Variants in DNAJC6 observed in about 807,000 individuals in gnomAD.
The protein encoded by DNAJC6 is DnaJ heat shock protein family (Hsp40) member C6, also known as auxilin.
In DNAJC6, 34 loss-of-function variants were observed where a neutral mutation model predicts 110.0. The observed-to-expected ratio is 0.31, with a 90% confidence interval of 0.24 to 0.41. DNAJC6 has a LOEUF of 0.41. Among genes scored for constraint, DNAJC6 ranks in the 10% least tolerant of loss-of-function variants. The pLI is 1.00. For synonymous variants in DNAJC6, 406 were observed against 437.2 expected (o/e 0.93, Z 0.89); for missense variants, 1,031 against 1,207.8 (o/e 0.85, Z 2.17).
At chr1:65,333,240 A>G (rs966834885) in intron 1 of DNAJC6, among the ~76,000 whole-genome samples, 2 of 152,212 alleles carry the variant, frequency 1.3e-5, no homozygotes, top group African/African-American at 4.8e-5. Flanking sequence ...ATCTGGGCTC[A>G]GCAGAGATCT....
intron 1 of DNAJC6, among the ~76,000 whole-genome samples, chr1:65,303,679 C>T (rs1388247962): frequency 6.6e-6 from 1 of 152,106 alleles, no homozygotes; most frequent in African/African-American, 2.4e-5. Flanking sequence ...TTGCCTCAGC[C>T]TCCTGAGTAG....
At chr1:65,404,616 G>GGTAA (rs2101633041) in intron 15 of DNAJC6, among the ~76,000 whole-genome samples, 1 of 152,318 alleles carries the variant, frequency 6.6e-6, no homozygotes, top group South Asian at 2.1e-4. Flanking sequence ...TCAGATTGAT[G>GGTAA]GTAAGTCCAG....
intron 1 of DNAJC6, among the ~76,000 whole-genome samples, chr1:65,343,005 C>G (rs1645403767): frequency 6.6e-6 from 1 of 152,166 alleles, no homozygotes. Flanking sequence ...CCCAGTGATT[C>G]TAAATTTCTT....
chr1:65,405,331 T>C (rs905840858), intron 15 of DNAJC6, among the ~76,000 whole-genome samples: 3 of 152,234 alleles, frequency 2.0e-5, no homozygotes, highest in Non-Finnish European at 2.9e-5. Flanking sequence ...TTTCAAAACA[T>C]CTTTATTTAC....
At chr1:65,338,333 T>C (rs1645357574) in intron 1 of DNAJC6, among the ~76,000 whole-genome samples, 2 of 151,988 alleles carry the variant, frequency 1.3e-5, no homozygotes, top group Admixed American at 6.6e-5. Context: ...CCAAAACAGG[T>C]TAAGGTAGTT....
intron 1 of DNAJC6, among the ~76,000 whole-genome samples, chr1:65,348,552 AAATT>A (rs531317292): frequency 1.1e-3 from 175 of 152,250 alleles, no homozygotes; most frequent in Non-Finnish European, 1.7e-3. Flanking sequence ...TATTGTCTTG[AAATT>A]AATTTGTATC....
chr1:65,311,215 G>GTTTTTTTT lies in DNAJC6; in HGVS notation c.193+1297_193+1304dup, dbSNP rs71056098. The stretch of plus-strand genomic sequence containing the variant: ...CCAAGGGATTGATGGTTTCAGGACT[G>GTTTTTTTT]TTTTTTTTTTTTTTTTTTTTTTTTT... On this transcript the variant is annotated intron_variant, in intron 1 of 18. Transcript: ENST00000371069. 1.1e-3 allele frequency among the ~76,000 whole-genome samples: 78 copies of GTTTTTTTT among 68,890 alleles called. 15 individuals carry two copies. The highest frequency in any genetic ancestry group is 1.5e-3 in the African/African-American group (28 of 18,084). 45.2% of individuals were successfully genotyped at this position (68,890 alleles called of 152,430 possible).
intron 1 of DNAJC6, among the ~76,000 whole-genome samples, chr1:65,347,694 C>G (rs2101506736): frequency 6.6e-6 from 1 of 152,046 alleles, no homozygotes; most frequent in Middle Eastern, 3.4e-3. Flanking sequence ...CCCGTTGTCT[C>G]CCCTCCCCTC....
chr1:65,391,985 G>A (rs962907668), intron 11 of DNAJC6, among the ~76,000 whole-genome samples: 36 of 152,122 alleles, frequency 2.4e-4, no homozygotes, highest in African/African-American at 8.5e-4. Flanking sequence ...CACCATGTTG[G>A]CCAAGCTGGT....
At chr1:65,281,777 T>G (rs1653854256) in intron 1 of DNAJC6, among the ~76,000 whole-genome samples, 1 of 151,880 alleles carries the variant, frequency 6.6e-6, no homozygotes, top group Non-Finnish European at 1.5e-5. Flanking sequence ...CCTGGCTAAT[T>G]TTTTGTATTT....
At chr1:65,409,840 A>G (rs576323651) in intron 17 of DNAJC6, among the ~76,000 whole-genome samples, 2 of 152,252 alleles carry the variant, frequency 1.3e-5, no homozygotes, top group African/African-American at 4.8e-5. Flanking sequence ...TCAAATCAAC[A>G]TACTTTTTTC....
chr1:65,269,106 A>C (rs919791051), intron 1 of DNAJC6, among the ~76,000 whole-genome samples: 2 of 152,128 alleles, frequency 1.3e-5, no homozygotes, highest in Admixed American at 1.3e-4. Flanking sequence ...GTGGTGGCTC[A>C]ACCTGTGATC....
intron 4 of DNAJC6, among the ~76,000 whole-genome samples, chr1:65,378,717 C>A (rs1417436210): frequency 6.6e-6 from 1 of 152,206 alleles, no homozygotes; most frequent in Non-Finnish European, 1.5e-5. Flanking sequence ...AGTGCTGACG[C>A]TGAGCAGCAG....
chr1:65,381,853 CAAT>C (rs1365284702), intron 5 of DNAJC6, among the ~76,000 whole-genome samples: 1 of 152,128 alleles, frequency 6.6e-6, no homozygotes, highest in Non-Finnish European at 1.5e-5. Context: ...AAGAACGTAA[CAAT>C]GATGTTTAAG....
intron 5 of DNAJC6, 122 bp from the exon 6 acceptor site, chr1:65,384,071 A>G (rs1645847597): frequency 8.2e-7 from 1 of 1,224,346 alleles, no homozygotes. Flanking sequence ...TTTAAATGAA[A>G]AGCACCCACA....
rs906751049 is a variant in DNAJC6 at position 65,394,758 on chromosome 1, G to A, written c.1904-140G>A. ...GTATCGACTGTAGTTCATCCAACAG[G>A]TAAGTCCAGACTACTCCTTTGTCCA... On this transcript the variant is annotated intron_variant, in intron 12 of 18. Coordinates refer to ENST00000371069, the MANE Select transcript of DNAJC6 (RefSeq NM_001256864.2). 3.2e-5 allele frequency: 29 copies of A among 905,418 alleles called. No homozygotes were observed. The East Asian group carries it at 9.0e-4, about 28-fold the overall frequency. 56.1% of individuals were successfully genotyped at this position (905,418 alleles called of 1,614,324 possible). A position where few individuals can be genotyped will look rare whatever the true frequency, so the allele number is the denominator to read the frequency against.
At chr1:65,374,083 T>C (rs571857548) in intron 4 of DNAJC6, among the ~76,000 whole-genome samples, 3 of 152,174 alleles carry the variant, frequency 2.0e-5, no homozygotes, top group African/African-American at 7.2e-5. Context: ...CAAAGATGAA[T>C]TGGTGGTAAA....
At chr1:65,395,201 G>A (rs1275499045) in intron 13 of DNAJC6, among the ~76,000 whole-genome samples, 169 bp downstream of exon 13, 1 of 152,184 alleles carries the variant, frequency 6.6e-6, no homozygotes, top group Non-Finnish European at 1.5e-5. Flanking sequence ...TCTCTGGGCT[G>A]TCTTACAGGA....
At chr1:65,300,068 A>G (rs1346065286) in intron 1 of DNAJC6, among the ~76,000 whole-genome samples, 1 of 151,068 alleles carries the variant, frequency 6.6e-6, no homozygotes, top group Non-Finnish European at 1.5e-5. Flanking sequence ...AAAAAAGAAA[A>G]AAAGTCTGAA....
Sources: gnomAD v4.1 joint callset for allele counts (sites outside exome capture counted in the v4.1 genomes callset) on GRCh38, gnomAD v4.1.1 for gene constraint, MANE v1.5 for transcripts, NCBI Gene and HGNC (gene_info 2026-07-23, HGNC 2026-07-21) for gene names.